Variants in SLC39A11 observed in about 807,000 individuals in gnomAD.
The protein encoded by SLC39A11 is solute carrier family 39 member 11, also known as zinc transporter ZIP11.
Under a neutral mutation model 36.1 loss-of-function variants are expected in SLC39A11, and 33 were observed. The ratio of observed to expected loss-of-function variants is 0.91; its 90% confidence interval spans 0.69 to 1.22. The LOEUF is 1.22. SLC39A11 is among the 50% of genes most tolerant of loss of function. The pLI is 0.00. For missense variants in SLC39A11, 432 were observed against 430.3 expected (o/e 1.00, Z -0.03); for synonymous variants, 166 against 170.3 (o/e 0.97, Z 0.20).
intron 5 of SLC39A11, among the ~76,000 whole-genome samples, chr17:72,893,420 ACTGC>A (rs2081862505): frequency 6.6e-6 from 1 of 152,194 alleles, no homozygotes; most frequent in Admixed American, 6.5e-5. Flanking sequence ...GGATCGTGCC[ACTGC>A]ACTCCAGCCT....
At chr17:72,926,811 C>T (rs1040983767) in intron 5 of SLC39A11, among the ~76,000 whole-genome samples, 1 of 152,110 alleles carries the variant, frequency 6.6e-6, no homozygotes, top group Non-Finnish European at 1.5e-5. Context: ...AGCTCACAGG[C>T]ACTGGTAGGC....
chr17:72,986,571 C>T (rs1568073548), intron 4 of SLC39A11, among the ~76,000 whole-genome samples: 1 of 152,210 alleles, frequency 6.6e-6, no homozygotes, highest in African/African-American at 2.4e-5. Flanking sequence ...CCCGAGGGGG[C>T]TCCATGGATC....
chr17:73,050,503 G>A (rs1334292168), intron 3 of SLC39A11, among the ~76,000 whole-genome samples: 29 of 141,210 alleles, frequency 2.1e-4, no homozygotes, highest in East Asian at 6.2e-4. Flanking sequence ...TCACTCTGTC[G>A]CCCAGGCTGG....
intron 6 of SLC39A11, among the ~76,000 whole-genome samples, chr17:72,769,839 G>A (rs1432280932): frequency 6.6e-6 from 1 of 152,150 alleles, no homozygotes; most frequent in African/African-American, 2.4e-5. Context: ...GCCATTAGAG[G>A]CATATCTGAT....
chr17:72,656,702 TCTTTTC>T (rs1269598043), intron 7 of SLC39A11, among the ~76,000 whole-genome samples: 1 of 152,122 alleles, frequency 6.6e-6, no homozygotes, highest in Non-Finnish European at 1.5e-5. Flanking sequence ...TCCAGACTTC[TCTTTTC>T]CTTTTCCTTA....
chr17:73,073,495 T>C (rs573233960), intron 3 of SLC39A11, among the ~76,000 whole-genome samples: 1 of 152,268 alleles, frequency 6.6e-6, no homozygotes, highest in East Asian at 1.9e-4. Flanking sequence ...CACCTCTTTG[T>C]TGAGTGCCCA....
intron 5 of SLC39A11, among the ~76,000 whole-genome samples, chr17:72,931,755 T>C (rs970370812): frequency 7.9e-5 from 12 of 152,190 alleles, no homozygotes. Context: ...CAACTCTGCT[T>C]GAATCCTTTC....
intron 6 of SLC39A11, among the ~76,000 whole-genome samples, chr17:72,834,624 T>TAAACA (rs1555585191): frequency 6.4e-5 from 8 of 124,582 alleles, no homozygotes; most frequent in South Asian, 2.6e-4. Context: ...TCCAACTCCA[T>TAAACA]AAACAAAACA....
intron 5 of SLC39A11, among the ~76,000 whole-genome samples, chr17:72,914,867 C>CATAAATAAATAAATAAATAAATAA (rs374560040): frequency 0.037 from 5,490 of 149,134 alleles, 144 homozygotes; most frequent in Non-Finnish European, 0.049. Context: ...GACTCTGTCT[C>CATAAATAAATAAATAAATAAATAA]ATAAATAAAT....
At chr17:72,702,606 G>A (rs530040707) in intron 7 of SLC39A11, among the ~76,000 whole-genome samples, 2 of 152,224 alleles carry the variant, frequency 1.3e-5, no homozygotes, top group Middle Eastern at 6.8e-3. Context: ...AGGGTCCATG[G>A]GAGAGTATGG....
At chr17:72,801,138 T>C (rs2077070893) in intron 6 of SLC39A11, among the ~76,000 whole-genome samples, 1 of 152,236 alleles carries the variant, frequency 6.6e-6, no homozygotes, top group Admixed American at 6.5e-5. Flanking sequence ...GATTAGTGGC[T>C]GCCTAGGGCT....
intron 5 of SLC39A11, among the ~76,000 whole-genome samples, chr17:72,941,035 G>T (rs747493861): frequency 1.3e-5 from 2 of 152,184 alleles, no homozygotes; most frequent in African/African-American, 2.4e-5. Context: ...GCTTTGGGAG[G>T]CCGAGGTGGG....
intron 5 of SLC39A11, among the ~76,000 whole-genome samples, chr17:72,873,075 A>G (rs2080727430): frequency 6.6e-6 from 1 of 151,824 alleles, no homozygotes; most frequent in African/African-American, 2.4e-5. Context: ...AAAAAGAAAA[A>G]AAAAAAGAAT....
At chr17:72,886,704 T>C (rs1316677411) in intron 5 of SLC39A11, among the ~76,000 whole-genome samples, 3 of 152,212 alleles carry the variant, frequency 2.0e-5, no homozygotes, top group African/African-American at 7.2e-5. Flanking sequence ...CATACTCTAA[T>C]TGAGATCTGA....
At chr17:73,053,228 C>G (rs1028519970) in intron 3 of SLC39A11, among the ~76,000 whole-genome samples, 2 of 132,476 alleles carry the variant, frequency 1.5e-5, no homozygotes, top group Non-Finnish European at 3.3e-5. Context: ...ATGGTATGAG[C>G]CCATTTGATT....
At chr17:73,006,062 C>G (rs144373738) in intron 4 of SLC39A11, among the ~76,000 whole-genome samples, 1 of 152,252 alleles carries the variant, frequency 6.6e-6, no homozygotes, top group East Asian at 1.9e-4. Flanking sequence ...AGGACACACA[C>G]TCCATGACTG....
At chr17:72,741,939 C>G (rs369472183) in intron 6 of SLC39A11, among the ~76,000 whole-genome samples, 1 of 152,070 alleles carries the variant, frequency 6.6e-6, no homozygotes, top group Admixed American at 6.6e-5. Context: ...GTGGCTCCCG[C>G]GCCTGTAATC....
intron 4 of SLC39A11, among the ~76,000 whole-genome samples, chr17:72,963,382 G>A (rs1018994100): frequency 2.0e-5 from 3 of 151,938 alleles, no homozygotes; most frequent in East Asian, 1.9e-4. Context: ...GTGTTAGCCA[G>A]GATGGTCTTG....
At chr17:72,792,168 G>C (rs184775036) in intron 6 of SLC39A11, among the ~76,000 whole-genome samples, 1 of 152,224 alleles carries the variant, frequency 6.6e-6, no homozygotes, top group African/African-American at 2.4e-5. Context: ...GCACAGACTA[G>C]TGACATAACT....
Sources: allele counts gnomAD v4.1 joint callset (sites outside exome capture counted in the v4.1 genomes callset), GRCh38; gene constraint gnomAD v4.1.1; transcripts MANE v1.5; gene names NCBI Gene and HGNC (gene_info 2026-07-23, HGNC 2026-07-21).